TPST1: variants seen among roughly 807,000 people sequenced by gnomAD.
TPST1 encodes the protein protein-tyrosine sulfotransferase 1.
A neutral mutation model predicts 34.8 loss-of-function variants in TPST1; 20 were observed. That is an observed-to-expected ratio of 0.57 (90% CI 0.40 to 0.84). The LOEUF is 0.84. TPST1 is among the 40% of genes least tolerant of loss of function. The pLI, the probability that TPST1 is intolerant of heterozygous loss-of-function variation, is 0.00. For missense variants in TPST1, 353 were observed against 455.5 expected, an observed-to-expected ratio of 0.78 and a Z score of 2.05; for synonymous variants, 152 against 159.4, an observed-to-expected ratio of 0.95 and a Z score of 0.35.
In TPST1 at chr7:66,240,355, C is replaced by T; in HGVS notation, c.-71C>T. On this transcript the variant is annotated 5_prime_UTR_variant, in exon 2 of 6. Transcript: ENST00000304842. Reference sequence around the variant, plus strand: ...GGTTATCTTTCTGAAGTAGACTGTCCATGGCCTGAACATTTTCCGAAAATC... The same window carrying T: ...GGTTATCTTTCTGAAGTAGACTGTCTATGGCCTGAACATTTTCCGAAAATC... 6.5e-7 allele frequency: 1 copy of T among 1,538,768 alleles called. No homozygotes were observed. Among genetic ancestry groups the T allele is most frequent in the Non-Finnish European group, 8.8e-7 (1 of 1,140,570 alleles).
intron 3 of TPST1, among the ~76,000 whole-genome samples, chr7:66,329,667 T>TG (rs1332099824): frequency 1.3e-4 from 20 of 152,210 alleles, no homozygotes; most frequent in Admixed American, 1.3e-3. Context: ...AGTTGTCTAT[T>TG]GCTTGCAAGT....
chr7:66,309,640 A>G (rs1791491335), intron 3 of TPST1, among the ~76,000 whole-genome samples: 1 of 152,208 alleles, frequency 6.6e-6, no homozygotes, highest in South Asian at 2.1e-4. Context: ...GCCACTGGAT[A>G]TAAGGCACAG....
chr7:66,322,705 C>T (rs1374868951), intron 3 of TPST1, among the ~76,000 whole-genome samples: 3 of 152,158 alleles, frequency 2.0e-5, no homozygotes, highest in African/African-American at 7.2e-5. Flanking sequence ...GTGCAGATAT[C>T]TCTTTGAGTT....
intron 2 of TPST1, among the ~76,000 whole-genome samples, chr7:66,279,247 T>C (rs1468124198): frequency 6.6e-6 from 1 of 152,190 alleles, no homozygotes; most frequent in Admixed American, 6.5e-5. Flanking sequence ...TCCATGTTGC[T>C]GCAAAGGACA....
intron 2 of TPST1, among the ~76,000 whole-genome samples, chr7:66,244,015 C>T (rs990084039): frequency 1.4e-5 from 2 of 147,838 alleles, no homozygotes; most frequent in African/African-American, 2.5e-5. Flanking sequence ...GTGGCATGAT[C>T]TCGGCTCACT....
At chr7:66,283,516 A>G (rs930658721) in intron 2 of TPST1, among the ~76,000 whole-genome samples, 1 of 152,204 alleles carries the variant, frequency 6.6e-6, no homozygotes, top group African/African-American at 2.4e-5. Flanking sequence ...TAGACAATCT[A>G]TACATGAATG....
upstream of TPST1, among the ~76,000 whole-genome samples, chr7:66,200,894 AT>A (rs1789028207): frequency 6.6e-6 from 1 of 151,896 alleles, no homozygotes; most frequent in South Asian, 2.1e-4. Flanking sequence ...CACCTGGCTA[AT>A]TTTTGTGTTT....
At position 66,330,681 on chromosome 7, in the gene TPST1, C is replaced by G. The variant is rs941028917; in HGVS notation, c.1045-21824C>G. Among the ~76,000 whole-genome samples, 4 of 152,266 alleles carry G rather than the reference C, an allele frequency of 2.6e-5. No homozygotes were observed. The South Asian group carries it at 8.3e-4, about 32-fold the overall frequency. The stretch of plus-strand genomic sequence containing the variant: ...AACTCACAGTCCACCTCCTAACAAT[C>G]TAAAATCTACCAACTATCAATTCCT... On this transcript the variant is annotated intron_variant, in intron 3 of 5. Coordinates refer to ENST00000304842, the MANE Select transcript of TPST1 (RefSeq NM_003596.4).
rs764440840 is a variant in TPST1 at position 66,356,819 on chromosome 7, C to G, written c.1096-6C>G. ...ACATTAAAACATCTTTTCTTTCCTT[C>G]AACAGACTGAGCAAGTGGAGTAGCA... On this transcript the variant is annotated splice_polypyrimidine_tract_variant and splice_region_variant and intron_variant, in intron 4 of 5. Coordinates refer to ENST00000304842, the MANE Select transcript of TPST1 (RefSeq NM_003596.4). 3 of 1,614,156 alleles carry G rather than the reference C, an allele frequency of 1.9e-6. No homozygotes were observed. Among genetic ancestry groups the G allele is most frequent in the Non-Finnish European group, 2.5e-6 (3 of 1,180,024 alleles).
chr7:66,210,792 C>T (rs969791900), intron 1 of TPST1, among the ~76,000 whole-genome samples: 2 of 152,102 alleles, frequency 1.3e-5, no homozygotes, highest in African/African-American at 2.4e-5. Flanking sequence ...AGCAAGATCC[C>T]TGTCTCTACA....
chr7:66,313,566 C>G (rs1210969371), intron 3 of TPST1, among the ~76,000 whole-genome samples: 1 of 152,150 alleles, frequency 6.6e-6, no homozygotes, highest in African/African-American at 2.4e-5. Flanking sequence ...ATTTGGACCT[C>G]TATGTCTTGA....
At chr7:66,241,499 TTA>T in intron 2 of TPST1, among the ~76,000 whole-genome samples, 1 of 152,282 alleles carries the variant, frequency 6.6e-6, no homozygotes, top group Middle Eastern at 3.4e-3. Flanking sequence ...ATTTTTTCAT[TTA>T]TATATCGTGG....
At chr7:66,265,693 A>C (rs550972679) in intron 2 of TPST1, among the ~76,000 whole-genome samples, 5 of 152,364 alleles carry the variant, frequency 3.3e-5, no homozygotes, top group African/African-American at 1.2e-4. Flanking sequence ...ATTCACAGCT[A>C]GACACATCAT....
intron 2 of TPST1, among the ~76,000 whole-genome samples, chr7:66,263,894 A>G (rs1405978105): frequency 2.0e-5 from 3 of 152,120 alleles, no homozygotes; most frequent in Admixed American, 2.0e-4. Flanking sequence ...AAATTAACCA[A>G]AGACTTGAAA....
chr7:66,331,406 G>C (rs1475633064), intron 3 of TPST1, among the ~76,000 whole-genome samples: 1 of 152,088 alleles, frequency 6.6e-6, no homozygotes, highest in Non-Finnish European at 1.5e-5. Context: ...CATTTCTGAC[G>C]ATTTTTCCTA....
upstream of TPST1, among the ~76,000 whole-genome samples, chr7:66,201,681 ACT>A (rs924210373): frequency 2.6e-5 from 4 of 151,036 alleles, no homozygotes; most frequent in Non-Finnish European, 5.9e-5. Flanking sequence ...ACAGAGCGAG[ACT>A]CTGTCTAAAA....
chr7:66,241,134 G>T lies in TPST1; in HGVS notation c.709G>T (p.Val237Phe), dbSNP rs770697110. 1 of 1,614,130 alleles carries T rather than the reference G, an allele frequency of 6.2e-7. No homozygotes were observed. Among genetic ancestry groups the T allele is most frequent in the African/African-American group, 1.3e-5 (1 of 75,020 alleles). The change falls in exon 2 of 6, where the codon GTT becomes TTT. Residue 237 changes from valine (V) to phenylalanine (F), a missense_variant. Physicochemically the swap from Val to Phe is conservative, Grantham distance 50 (BLOSUM62 -1). Coordinates refer to ENST00000304842, the MANE Select transcript of TPST1 (RefSeq NM_003596.4). ...MEVGYKKCML[V>F]HYEQLVLHPE... Reference sequence around the variant, plus strand: ...GGTTGGTTATAAAAAGTGCATGTTGGTTCACTATGAACAACTTGTCTTACA... The same window carrying T: ...GGTTGGTTATAAAAAGTGCATGTTGTTTCACTATGAACAACTTGTCTTACA...
chr7:66,336,750 T>A (rs974597333), intron 3 of TPST1, among the ~76,000 whole-genome samples: 27 of 152,084 alleles, frequency 1.8e-4, no homozygotes, highest in Non-Finnish European at 2.2e-4. Flanking sequence ...TACAGGAAGC[T>A]CAGTGATCAG....
At chr7:66,277,012 C>G (rs536827980) in intron 2 of TPST1, among the ~76,000 whole-genome samples, 2 of 152,114 alleles carry the variant, frequency 1.3e-5, no homozygotes, top group Non-Finnish European at 2.9e-5. Context: ...TCTGGTAAAG[C>G]GTTAAATAAT....
Sources: allele counts gnomAD v4.1 joint callset (sites outside exome capture counted in the v4.1 genomes callset), GRCh38; gene constraint gnomAD v4.1.1; transcripts MANE v1.5; gene names NCBI Gene and HGNC (gene_info 2026-07-23, HGNC 2026-07-21).